Variants in MAGI2 observed in about 807,000 individuals in gnomAD.
MAGI2 encodes the protein membrane associated guanylate kinase, WW and PDZ domain containing 2.
MAGI2 carries 35 observed loss-of-function variants against 133.3 expected under a neutral mutation model. The observed-to-expected ratio is 0.26, with a 90% CI of 0.20 to 0.35. The LOEUF is 0.35. Among genes scored for constraint, MAGI2 ranks in the 10% least tolerant of loss-of-function variants. MAGI2 has a pLI of 1.00. For synonymous variants in MAGI2, 729 were observed against 710.6 expected (o/e 1.03, Z -0.41); for missense variants, 1,636 against 1,863.4 (o/e 0.88, Z 2.25).
Position 78,017,914 on chromosome 7 carries a change from G to A in MAGI2, c.*1401C>T, listed in dbSNP as rs1486240013. 1 of 152,200 alleles carries A rather than the reference G, an allele frequency of 6.6e-6. No individual in the cohort carries two copies. Among genetic ancestry groups the A allele is most frequent in the Non-Finnish European group, 1.5e-5 (1 of 68,038 alleles). The allele number at this position is 152,200 out of a possible 1,614,324, so 9.4% of individuals were successfully genotyped here. ...AGAGTAAGAATATGGAAAGGATGAA[G>A]CCTCATTCATTCGGGCATATTAAAA... On this transcript the variant is annotated 3_prime_UTR_variant, in exon 22 of 22. Coordinates refer to ENST00000354212, the MANE Select transcript of MAGI2 (RefSeq NM_012301.4).
intron 1 of MAGI2, among the ~76,000 whole-genome samples, chr7:79,047,870 T>A (rs1248967489): frequency 6.6e-6 from 1 of 152,148 alleles, no homozygotes; most frequent in African/African-American, 2.4e-5. Context: ...CCTCTTATAG[T>A]GAGTAGGGAT....
chr7:78,309,035 T>C (rs962124269), intron 9 of MAGI2, among the ~76,000 whole-genome samples: 2 of 150,340 alleles, frequency 1.3e-5, no homozygotes, highest in African/African-American at 4.9e-5. Flanking sequence ...AGGAAAAAAA[T>C]AACAGATGCT....
intron 2 of MAGI2, among the ~76,000 whole-genome samples, chr7:78,918,745 A>C (rs7801587): frequency 0.11 from 16,236 of 152,124 alleles, 1,944 homozygotes; most frequent in African/African-American, 0.27. Context: ...ATTAATTATT[A>C]ATTACTGAGA....
Position 78,345,474 on chromosome 7 carries a change from G to T in MAGI2, c.1225+448C>A, listed in dbSNP as rs142538175. 1,106 of 156,704 alleles carry T rather than the reference G, an allele frequency of 7.1e-3. 7 individuals are homozygous for T. The highest frequency in any genetic ancestry group is 0.011 in the Non-Finnish European group (776 of 70,642). The allele number at this position is 156,704 out of a possible 1,614,324, so 9.7% of individuals were successfully genotyped here. On this transcript the variant is annotated intron_variant, in intron 8 of 21. Transcript: ENST00000354212. ...AGCCAGGGCCTCCCTGCTGGGTCGC[G>T]CTGATAGTAAGACAAGTCATTCACG...
At chr7:78,118,149 G>A (rs1214706371) in intron 20 of MAGI2, among the ~76,000 whole-genome samples, 1 of 152,056 alleles carries the variant, frequency 6.6e-6, no homozygotes, top group African/African-American at 2.4e-5. Flanking sequence ...ACATCCACAT[G>A]CAAAAAAAAT....
At chr7:78,663,889 T>C (rs1215829509) in intron 2 of MAGI2, among the ~76,000 whole-genome samples, 1 of 152,228 alleles carries the variant, frequency 6.6e-6, no homozygotes, top group Non-Finnish European at 1.5e-5. Context: ...AAATTTATTC[T>C]GATATTCCTA....
intron 6 of MAGI2, among the ~76,000 whole-genome samples, chr7:78,390,223 G>GCC (rs1476997093): frequency 6.6e-6 from 1 of 152,092 alleles, no homozygotes; most frequent in African/African-American, 2.4e-5. Flanking sequence ...AAATGAAAGT[G>GCC]CCCAATATCA....
chr7:79,197,760 CTT>C (rs1376895195), intron 1 of MAGI2, among the ~76,000 whole-genome samples: 1 of 151,988 alleles, frequency 6.6e-6, no homozygotes, highest in African/African-American at 2.4e-5. Context: ...GGTAAGGACT[CTT>C]TGCTTCAGGG....
At chr7:79,169,851 TTC>T (rs1387881100) in intron 1 of MAGI2, among the ~76,000 whole-genome samples, 4 of 152,010 alleles carry the variant, frequency 2.6e-5, no homozygotes, top group African/African-American at 9.7e-5. Context: ...GGTGATTAGC[TTC>T]TCTCTCTTTT....
chr7:79,068,337 C>T (rs1006339121), intron 1 of MAGI2, among the ~76,000 whole-genome samples: 1 of 152,002 alleles, frequency 6.6e-6, no homozygotes, highest in Non-Finnish European at 1.5e-5. Flanking sequence ...ACTTGGGAGG[C>T]TGTATGTGTC....
chr7:78,065,124 G>T (rs543885565), intron 21 of MAGI2, among the ~76,000 whole-genome samples: 45 of 152,246 alleles, frequency 3.0e-4, no homozygotes, highest in Non-Finnish European at 2.2e-4. Context: ...TACCCATGAT[G>T]CCAGGTGGAG....
rs13227372 is a variant in MAGI2, at chr7:78,381,552, A to G, written c.1046-12339T>C. On this transcript the variant is annotated intron_variant, in intron 6 of 21. Coordinates refer to ENST00000354212, the MANE Select transcript of MAGI2 (RefSeq NM_012301.4). ...TGAACTGGGAGAAAATATTTGTAAC[A>G]TATCAGTGATAAAGAGCTACTCTCC... 9.5e-3 allele frequency among the ~76,000 whole-genome samples: 1,452 copies of G among 152,270 alleles called. 11 individuals are homozygous for G. The highest frequency in any genetic ancestry group is 0.015 in the Non-Finnish European group (1,040 of 68,014).
chr7:78,269,123 T>C (rs1794312337), intron 9 of MAGI2, among the ~76,000 whole-genome samples: 1 of 152,232 alleles, frequency 6.6e-6, no homozygotes, highest in African/African-American at 2.4e-5. Context: ...CTCACTCTTT[T>C]ATAATGGCTG....
chr7:78,308,267 A>C (rs541257245), intron 9 of MAGI2, among the ~76,000 whole-genome samples: 67 of 152,288 alleles, frequency 4.4e-4, no homozygotes, highest in African/African-American at 1.5e-3. Flanking sequence ...GGTGGTTCTC[A>C]GCCTGTCTGG....
At position 78,139,110 on chromosome 7, in the gene MAGI2, T is replaced by C. The variant is rs546900375; in HGVS notation, c.2846-3904A>G. Among the ~76,000 whole-genome samples, 80 of 152,300 alleles carry C rather than the reference T, an allele frequency of 5.3e-4. 2 individuals carry two copies. Among genetic ancestry groups the C allele is most frequent in the Middle Eastern group, 6.8e-3 (2 of 294 alleles). On this transcript the variant is annotated intron_variant, in intron 16 of 21. Coordinates refer to ENST00000354212, the MANE Select transcript of MAGI2 (RefSeq NM_012301.4). The stretch of plus-strand genomic sequence containing the variant: ...AAGACTAGAAATCAAAATAAAAGAA[T>C]GAAAACTGAAATAAATTCAGTGGTA...
intron 9 of MAGI2, among the ~76,000 whole-genome samples, chr7:78,302,747 A>T (rs538740928): frequency 3.3e-4 from 50 of 152,250 alleles, no homozygotes; most frequent in Non-Finnish European, 5.9e-4. Context: ...AAATTTTATC[A>T]TCTCTAAAAC....
At chr7:78,405,254 G>C (rs1338409213) in intron 6 of MAGI2, among the ~76,000 whole-genome samples, 1 of 152,030 alleles carries the variant, frequency 6.6e-6, no homozygotes, top group African/African-American at 2.4e-5. Context: ...TACTTTCTGA[G>C]AAATCTCTGA....
At chr7:79,186,100 C>T (rs1827062625) in intron 1 of MAGI2, among the ~76,000 whole-genome samples, 1 of 150,642 alleles carries the variant, frequency 6.6e-6, no homozygotes, top group Non-Finnish European at 1.5e-5. Flanking sequence ...CATGTGTAGA[C>T]ATACAAAGAC....
chr7:78,546,816 A>G (rs1798886897), intron 3 of MAGI2, among the ~76,000 whole-genome samples: 1 of 152,234 alleles, frequency 6.6e-6, no homozygotes, highest in South Asian at 2.1e-4. Flanking sequence ...TATAACGTCT[A>G]TAAAACAGGG....
Sources: allele counts gnomAD v4.1 joint callset (sites outside exome capture counted in the v4.1 genomes callset), GRCh38; gene constraint gnomAD v4.1.1; transcripts MANE v1.5; gene names NCBI Gene and HGNC (gene_info 2026-07-23, HGNC 2026-07-21).